The following DCAF8 variants were observed in gnomAD, a reference collection of about 807,000 sequenced individuals.
The protein encoded by DCAF8 is DDB1- and CUL4-associated factor 8.
DCAF8 carries 20 observed loss-of-function variants against 68.0 expected under a neutral mutation model. The observed-to-expected ratio is 0.29, with a 90% CI of 0.21 to 0.43. The LOEUF (loss-of-function observed/expected upper bound fraction) is 0.43. Among genes scored for constraint, DCAF8 ranks in the 20% least tolerant of loss-of-function variants. The probability of loss-of-function intolerance (pLI) is 1.00; values close to 1 mark genes in which losing one functional copy is unlikely to be tolerated. For synonymous variants in DCAF8, 230 were observed against 276.9 expected (o/e 0.83, Z 1.68); for missense variants, 460 against 771.0 (o/e 0.60, Z 4.78).
In DCAF8 at chr1:160,218,334, C is replaced by T. The variant is rs778391071; in HGVS notation, c.1667G>A (p.Arg556His). 7 of 1,613,410 alleles carry T rather than the reference C, an allele frequency of 4.3e-6. No homozygotes were observed. The highest frequency in any genetic ancestry group is 1.7e-5 in the Admixed American group (1 of 60,002). ...WFLMHHLRQRRHHRRWREPGV... is the reference protein window; with the variant it reads ...WFLMHHLRQRHHHRRWREPGV... ...CCAACCCTAGCTTACCCGGTGATGG[C>T]GTCTCTGTCTCAGGTGATGCATAAG... Residue 556 changes from arginine (R) to histidine (H), a missense_variant, in exon 13 of 14, where the codon CGC (arginine) becomes CAC (histidine). This residue lies in a region of DCAF8 where 80 missense variants were observed against 115.1 expected (regional missense o/e 0.70). Transcript: ENST00000368074.
Position 160,217,402 on chromosome 1 carries a change from CA to C in DCAF8, c.*189del. The C allele has an allele frequency of 1.9e-6, 1 of 518,990 alleles. No individual in the cohort carries two copies. Among genetic ancestry groups the C allele is most frequent in the Non-Finnish European group, 3.4e-6 (1 of 294,062 alleles). 32.1% of individuals were successfully genotyped at this position (518,990 alleles called of 1,614,324 possible). A position where few individuals can be genotyped will look rare whatever the true frequency, so the allele number is the denominator to read the frequency against. The stretch of plus-strand genomic sequence containing the variant: ...CTCCATAGAGCCCCATTCCAGGGCT[CA>C]ACTCCCATTCCTAGGTACTCTTTGT... On this transcript the variant is annotated 3_prime_UTR_variant, in exon 14 of 14. Transcript: ENST00000368074.
intron 2 of DCAF8, among the ~76,000 whole-genome samples, chr1:160,250,464 CAAAAAAAAAAAAA>C (rs386368471): frequency 1.5e-5 from 1 of 66,644 alleles, no homozygotes; most frequent in African/African-American, 6.5e-5. Flanking sequence ...GAAACTGTCT[CAAAAAAAAAAAAA>C]AAAAAAAAAC....
intron 6 of DCAF8, among the ~76,000 whole-genome samples, chr1:160,232,532 T>C (rs1168369818): frequency 6.6e-6 from 1 of 152,016 alleles, no homozygotes; most frequent in East Asian, 1.9e-4. Context: ...TCCCAGCTAC[T>C]TGGGAGGCTG....
intron 1 of DCAF8, chr1:160,261,894 A>C (rs1287590229): frequency 6.4e-6 from 1 of 156,232 alleles, no homozygotes; most frequent in Non-Finnish European, 1.4e-5. Flanking sequence ...CCGACTCCGG[A>C]ATTCTTGGAC....
chr1:160,231,708 T>G (rs1655693440), intron 6 of DCAF8, among the ~76,000 whole-genome samples: 1 of 152,186 alleles, frequency 6.6e-6, no homozygotes, highest in Non-Finnish European at 1.5e-5. Context: ...GAAGCCTCAG[T>G]TTAGCTGCAG....
chr1:160,245,756 C>T (rs1410625586), intron 2 of DCAF8, among the ~76,000 whole-genome samples: 2 of 152,206 alleles, frequency 1.3e-5, no homozygotes, highest in Non-Finnish European at 2.9e-5. Flanking sequence ...CCTCACACAG[C>T]ACTTGTTTTT....
At chr1:160,261,155 C>T (rs1261332073) in intron 2 of DCAF8, 130 bp downstream of exon 2, 1 of 152,248 alleles carries the variant, frequency 6.6e-6, no homozygotes, top group Non-Finnish European at 1.5e-5. Flanking sequence ...AGAGCTGGAA[C>T]AAAGCCAAGA....
At chr1:160,244,678 C>T (rs1403896579) in intron 2 of DCAF8, among the ~76,000 whole-genome samples, 3 of 151,056 alleles carry the variant, frequency 2.0e-5, no homozygotes, top group Non-Finnish European at 4.4e-5. Flanking sequence ...AATGCAGTGG[C>T]GCTATCTAGG....
At chr1:160,253,006 A>G (rs1481418453) in intron 2 of DCAF8, among the ~76,000 whole-genome samples, 1 of 152,234 alleles carries the variant, frequency 6.6e-6, no homozygotes, top group Non-Finnish European at 1.5e-5. Context: ...GTACAGAGAA[A>G]CTTCAAAATC....
At chr1:160,239,335 G>C (rs1212320220) in intron 4 of DCAF8, 1 of 1,246,628 alleles carries the variant, frequency 8.0e-7, no homozygotes, top group East Asian at 2.8e-5. Flanking sequence ...CAGATAAACT[G>C]AAGACAAAGG....
intron 10 of DCAF8, among the ~76,000 whole-genome samples, chr1:160,224,236 T>C (rs1239926910): frequency 6.6e-6 from 1 of 152,182 alleles, no homozygotes; most frequent in African/African-American, 2.4e-5. Flanking sequence ...AGAAGCAACA[T>C]TATTGGAGTG....
intron 10 of DCAF8, 118 bp downstream of exon 10, chr1:160,224,324 C>A: frequency 1.4e-6 from 1 of 705,592 alleles, no homozygotes; most frequent in Non-Finnish European, 2.4e-6. Flanking sequence ...TCAGGATAAT[C>A]CCTCAGTGCC....
intron 2 of DCAF8, among the ~76,000 whole-genome samples, chr1:160,257,617 T>C (rs995006977): frequency 6.6e-6 from 1 of 152,236 alleles, no homozygotes; most frequent in African/African-American, 2.4e-5. Flanking sequence ...AGTATTGTTT[T>C]AAACTGGCAA....
intron 7 of DCAF8, among the ~76,000 whole-genome samples, chr1:160,226,825 C>T (rs948418476): frequency 3.9e-5 from 6 of 152,220 alleles, no homozygotes; most frequent in African/African-American, 1.4e-4. Flanking sequence ...TGAGACTTCT[C>T]TGGCTGAAGT....
chr1:160,240,444 A>C, intron 3 of DCAF8, 74 bp from the exon 4 acceptor site: 2 of 1,414,356 alleles, frequency 1.4e-6, no homozygotes, highest in Non-Finnish European at 1.9e-6. Flanking sequence ...TTAGTCTAAG[A>C]AATCTTCACA....
At chr1:160,238,899 C>A in intron 4 of DCAF8, 152 bp from the exon 5 acceptor site, 1 of 890,882 alleles carries the variant, frequency 1.1e-6, no homozygotes. Flanking sequence ...CTGGCTAAGC[C>A]CAATTTCTTC....
intron 2 of DCAF8, among the ~76,000 whole-genome samples, chr1:160,259,142 G>A (rs1379198186): frequency 6.6e-6 from 1 of 152,156 alleles, no homozygotes. Flanking sequence ...ATTTTCATGT[G>A]CCCTTGCCAA....
intron 2 of DCAF8, among the ~76,000 whole-genome samples, chr1:160,260,509 C>T (rs1003179736): frequency 3.3e-5 from 5 of 152,096 alleles, no homozygotes; most frequent in Non-Finnish European, 7.4e-5. Context: ...ATTGGCCAGG[C>T]CTACCTTCCA....
intron 2 of DCAF8, among the ~76,000 whole-genome samples, chr1:160,255,686 A>T (rs1002310049): frequency 1.3e-5 from 2 of 151,900 alleles, no homozygotes; most frequent in Non-Finnish European, 2.9e-5. Context: ...CTGGTGTGAT[A>T]TTGGGTCACT....
Sources: gnomAD v4.1 joint callset for allele counts (sites outside exome capture counted in the v4.1 genomes callset) on GRCh38, gnomAD v4.1.1 for gene constraint, gnomAD v4.1.1 regional missense constraint, MANE v1.5 for transcripts, NCBI Gene and HGNC (gene_info 2026-07-23, HGNC 2026-07-21) for gene names.